ZNF160: variants seen among roughly 807,000 people sequenced by gnomAD.
The protein encoded by ZNF160 is KRAB zinc finger protein KR18.
A neutral mutation model predicts 13.1 loss-of-function variants in ZNF160; 9 were observed. That is an observed-to-expected ratio of 0.69 (90% CI 0.41 to 1.20). The LOEUF (loss-of-function observed/expected upper bound fraction) is 1.20, where lower values mean the gene tolerates loss of function less well. ZNF160 is among the 50% of genes most tolerant of loss of function. The pLI, the probability that ZNF160 is intolerant of heterozygous loss-of-function variation, is 0.01. For missense variants in ZNF160, 838 were observed against 988.0 expected (o/e 0.85, Z 2.04); for synonymous variants, 293 against 333.2 (o/e 0.88, Z 1.31).
At chr19:53,082,443 A>C (rs993917141) in intron 3 of ZNF160, among the ~76,000 whole-genome samples, 1 of 152,162 alleles carries the variant, frequency 6.6e-6, no homozygotes, top group Non-Finnish European at 1.5e-5. Flanking sequence ...GCACTTTAGG[A>C]GGCCAAGGCA....
intron 1 of ZNF160, among the ~76,000 whole-genome samples, chr19:53,100,033 T>C (rs908484937): frequency 1.3e-5 from 2 of 152,156 alleles, no homozygotes; most frequent in African/African-American, 2.4e-5. Context: ...ATTTAATTCC[T>C]CTTTTCCAGA....
At chr19:53,075,805 G>A (rs532528549) in intron 3 of ZNF160, 2 of 518,794 alleles carry the variant, frequency 3.9e-6, no homozygotes, top group East Asian at 5.4e-5. Flanking sequence ...TTTCAAGGAG[G>A]GGGTCATCAG....
At chr19:53,082,146 ACTAT>A in intron 3 of ZNF160, among the ~76,000 whole-genome samples, 1 of 152,182 alleles carries the variant, frequency 6.6e-6, no homozygotes, top group South Asian at 2.1e-4. Context: ...GGGCTGAAAA[ACTAT>A]CTATCGGGTA....
In ZNF160 at chr19:53,070,334, A is replaced by T. The variant is rs138356388; in HGVS notation, c.272-72T>A. 1,341 of 1,369,524 alleles carry T rather than the reference A, an allele frequency of 9.8e-4. 15 individuals are homozygous for T. In the African/African-American group the frequency reaches 0.018, roughly 18 times the overall value. The allele number at this position is 1,369,524 out of a possible 1,614,324, so 84.8% of individuals were successfully genotyped here. Reference sequence around the variant, plus strand: ...GAAATAAATATTTTACATTGAAAACATATTCCACCAAAAGTAATACTTATA... The same window carrying T: ...GAAATAAATATTTTACATTGAAAACTTATTCCACCAAAAGTAATACTTATA... On this transcript the variant is annotated intron_variant, in intron 5 of 5. Coordinates refer to ENST00000683776, the MANE Select transcript of ZNF160 (RefSeq NM_001322131.2).
intron 3 of ZNF160, chr19:53,077,506 C>T (rs1445623435): frequency 6.6e-6 from 1 of 151,494 alleles, no homozygotes; most frequent in African/African-American, 2.4e-5. Context: ...CCCGTTTCTA[C>T]AAAAAATACA....
intron 1 of ZNF160, among the ~76,000 whole-genome samples, chr19:53,101,335 G>A (rs1256624036): frequency 6.6e-6 from 1 of 151,838 alleles, no homozygotes; most frequent in Non-Finnish European, 1.5e-5. Flanking sequence ...CTACCAAAGA[G>A]TATTTCCAAT....
chr19:53,073,345 T>C lies in ZNF160; in HGVS notation c.271+795A>G, dbSNP rs922773412. On this transcript the variant is annotated intron_variant, in intron 5 of 5. Transcript: ENST00000683776. Reference sequence around the variant, plus strand: ...TTATGCTGAGAACAATCTTAGAAGATAGAACCCACTCGCTTATCACACACC... The same window carrying C: ...TTATGCTGAGAACAATCTTAGAAGACAGAACCCACTCGCTTATCACACACC... 11 of 1,597,914 alleles carry C rather than the reference T, an allele frequency of 6.9e-6. No individual in the cohort carries two copies. In the African/African-American group the frequency reaches 9.3e-5, roughly 14 times the overall value.
chr19:53,079,660 C>CAA (rs33935376), intron 3 of ZNF160, among the ~76,000 whole-genome samples: 52,118 of 124,252 alleles, frequency 0.42, 10,682 homozygotes, highest in African/African-American at 0.51. Flanking sequence ...ACAATAGCAG[C>CAA]AAAAAAAAAA....
intron 1 of ZNF160, among the ~76,000 whole-genome samples, chr19:53,101,179 C>T (rs1177075351): frequency 6.6e-6 from 1 of 152,116 alleles, no homozygotes; most frequent in Non-Finnish European, 1.5e-5. Context: ...AGTTGGAAGG[C>T]TGAGGCAGGA....
intron 1 of ZNF160, 72 bp downstream of exon 1, chr19:53,103,193 C>T: frequency 6.6e-6 from 1 of 152,382 alleles, no homozygotes; most frequent in Non-Finnish European, 1.5e-5. Flanking sequence ...AGACCGGGGG[C>T]AGGGACCAGC....
chr19:53,075,666 C>T, intron 3 of ZNF160: 1 of 506,884 alleles, frequency 2.0e-6, no homozygotes, highest in South Asian at 1.4e-5. Context: ...TCACTCCTTT[C>T]CCATATCTCA....
In ZNF160 at chr19:53,068,820, T is replaced by C; in HGVS notation, c.1714A>G (p.Lys572Glu). 9 of 1,612,910 alleles carry C rather than the reference T, an allele frequency of 5.6e-6. No homozygotes were observed. Among genetic ancestry groups the C allele is most frequent in the Non-Finnish European group, 7.6e-6 (9 of 1,178,924 alleles). ...AGTTGTGATGTTTGAGCGAAGACTT[T>C]ACCACATTCATTACACTTGTAAGGT... ...EKPYKCNECG[K>E]VFAQTSQLAR... The change falls in exon 6 of 6, where the codon AAA (lysine) becomes GAA (glutamate). Residue 572 changes from lysine (K) to glutamate (E), a missense_variant. Lys to Glu is a moderately conservative substitution (Grantham distance 56). Transcript: ENST00000683776.
intron 2 of ZNF160, among the ~76,000 whole-genome samples, chr19:53,089,612 G>A (rs931919394): frequency 6.6e-6 from 1 of 152,064 alleles, no homozygotes; most frequent in Non-Finnish European, 1.5e-5. Flanking sequence ...TTATAGACAA[G>A]TTTTGCAATT....
At chr19:53,075,704 T>C in intron 3 of ZNF160, 1 of 518,484 alleles carries the variant, frequency 1.9e-6, no homozygotes, top group South Asian at 1.4e-5. Context: ...ATCTAGATGT[T>C]CATCTGTGTG....
chr19:53,076,601 T>G (rs993816523), intron 3 of ZNF160, among the ~76,000 whole-genome samples: 1 of 152,164 alleles, frequency 6.6e-6, no homozygotes, highest in Non-Finnish European at 1.5e-5. Context: ...ATCACGCCAC[T>G]GCACTCCAGC....
At chr19:53,071,966 C>G (rs1207769242) in intron 5 of ZNF160, among the ~76,000 whole-genome samples, 1 of 152,010 alleles carries the variant, frequency 6.6e-6, no homozygotes, top group Non-Finnish European at 1.5e-5. Context: ...CATCATAGCA[C>G]TAGGAAAATG....
chr19:53,074,155 T>C lies in ZNF160; in HGVS notation c.256A>G (p.Lys86Glu). The part of the protein sequence containing the change: ...ARKPRTPECV[K>E]GVVTDIPPKC... The stretch of plus-strand genomic sequence containing the variant: ...GAGCTCTTACCTGTGACCACGCCTT[T>C]GACACATTCCGGCGTTCTTGGTTTT... The change falls in exon 5 of 6, where the codon AAA (lysine) becomes GAA (glutamate). Residue 86 changes from lysine (K) to glutamate (E), a missense_variant. By Grantham distance (56) the Lys-to-Glu change is moderately conservative (BLOSUM62 1). Transcript: ENST00000683776. The C allele has an allele frequency of 1.2e-6, 2 of 1,614,022 alleles. No individual in the cohort carries two copies. The highest frequency in any genetic ancestry group is 1.7e-6 in the Non-Finnish European group (2 of 1,179,958).
At position 53,067,787 on chromosome 19, in the gene ZNF160, T is replaced by C; in HGVS notation, c.*290A>G. The C allele has an allele frequency of 3.1e-6, 1 of 321,160 alleles. No homozygotes were observed. Among genetic ancestry groups the C allele is most frequent in the Non-Finnish European group, 5.7e-6 (1 of 174,758 alleles). The allele number at this position is 321,160 out of a possible 1,614,324, so 19.9% of individuals were successfully genotyped here. A position where few individuals can be genotyped will look rare whatever the true frequency, so the allele number is the denominator to read the frequency against. On this transcript the variant is annotated 3_prime_UTR_variant, in exon 6 of 6. Transcript: ENST00000683776. ...CAGGGAAACCAGAGACTGTTATTCC[T>C]CCTAGGAATCCTCACTTACCATCGG...
At position 53,074,534 on chromosome 19, in the gene ZNF160, G is replaced by A. The variant is rs984881864; in HGVS notation, c.143-266C>T. Among the ~76,000 whole-genome samples the A allele has an allele frequency of 7.2e-5, 11 of 152,134 alleles. No homozygotes were observed. The South Asian group carries it at 8.3e-4, about 12-fold the overall frequency. ...CATAAAAAAAAATTATCCAGGTGTG[G>A]TGGCGGGCGCCTGTGGTCCCAGCTA... On this transcript the variant is annotated intron_variant, in intron 4 of 5. Coordinates refer to ENST00000683776, the MANE Select transcript of ZNF160 (RefSeq NM_001322131.2).
Sources: gnomAD v4.1 joint callset for allele counts (sites outside exome capture counted in the v4.1 genomes callset) on GRCh38, gnomAD v4.1.1 for gene constraint, MANE v1.5 for transcripts, NCBI Gene and HGNC (gene_info 2026-07-23, HGNC 2026-07-21) for gene names.